The following RGS6 variants were observed in gnomAD, a reference collection of about 807,000 sequenced individuals.
RGS6 encodes regulator of G protein signaling 6.
In RGS6, 30 loss-of-function variants were observed where a neutral mutation model predicts 78.5. That is an observed-to-expected ratio of 0.38 (90% confidence interval 0.29 to 0.52). RGS6 has a LOEUF of 0.52. Among genes scored for constraint, RGS6 ranks in the 20% least tolerant of loss-of-function variants. RGS6 has a pLI of 0.85. For missense variants in RGS6, 495 were observed against 609.7 expected (o/e 0.81, Z 1.98); for synonymous variants, 206 against 206.0 (o/e 1.00, Z 0.00).
chr14:72,240,327 T>G (rs541623837), intron 2 of RGS6, among the ~76,000 whole-genome samples: 1 of 151,768 alleles, frequency 6.6e-6, no homozygotes, highest in Non-Finnish European at 1.5e-5. Flanking sequence ...TTAATCGGGG[T>G]GGGGGGGATT....
intron 3 of RGS6, among the ~76,000 whole-genome samples, chr14:72,437,784 A>C (rs934292452): frequency 1.3e-5 from 2 of 152,172 alleles, no homozygotes; most frequent in African/African-American, 4.8e-5. Context: ...CTTCCAGCAC[A>C]CTGGGATCTG....
At chr14:72,341,654 T>G (rs924482856) in intron 2 of RGS6, among the ~76,000 whole-genome samples, 4 of 152,192 alleles carry the variant, frequency 2.6e-5, no homozygotes, top group African/African-American at 9.6e-5. Context: ...GCTGGAAAGG[T>G]GGCAGATGCC....
intron 2 of RGS6, among the ~76,000 whole-genome samples, chr14:72,293,676 T>C (rs975659629): frequency 2.6e-5 from 4 of 152,200 alleles, no homozygotes; most frequent in African/African-American, 9.7e-5. Flanking sequence ...TCAGCTCCAA[T>C]AGTTGGTGCT....
chr14:72,145,657 A>G (rs1204922400), intron 2 of RGS6, among the ~76,000 whole-genome samples: 2 of 152,056 alleles, frequency 1.3e-5, no homozygotes, highest in Non-Finnish European at 2.9e-5. Context: ...TTTTTTGTGG[A>G]TTTTTAGTAG....
chr14:72,225,706 A>G (rs1257434960), intron 2 of RGS6, among the ~76,000 whole-genome samples: 1 of 152,224 alleles, frequency 6.6e-6, no homozygotes, highest in Admixed American at 6.5e-5. Flanking sequence ...CGTTAATAAT[A>G]TAGCATGTAT....
At chr14:72,278,023 C>T (rs1595183872) in intron 2 of RGS6, among the ~76,000 whole-genome samples, 2 of 152,120 alleles carry the variant, frequency 1.3e-5, no homozygotes, top group Non-Finnish European at 2.9e-5. Context: ...TTAGCCCAGT[C>T]CATGAAAGTA....
At chr14:71,949,222 C>T (rs556466110) in intron 1 of RGS6, among the ~76,000 whole-genome samples, 3 of 152,280 alleles carry the variant, frequency 2.0e-5, no homozygotes, top group Admixed American at 6.5e-5. Flanking sequence ...TGCATATGTT[C>T]AGCTTTATTC....
At chr14:71,926,866 TC>T in the RGS6 span, among the ~76,000 whole-genome samples, 1 of 152,216 alleles carries the variant, frequency 6.6e-6, no homozygotes, top group African/African-American at 2.4e-5. Flanking sequence ...CTATAAAGGA[TC>T]CTTCTTATTG....
At chr14:72,208,407 C>T (rs368345904) in intron 2 of RGS6, among the ~76,000 whole-genome samples, 1 of 152,186 alleles carries the variant, frequency 6.6e-6, no homozygotes, top group Non-Finnish European at 1.5e-5. Flanking sequence ...GTCGTTTGAG[C>T]CAAAATACTT....
At chr14:72,435,916 A>C (rs74368010) in intron 3 of RGS6, among the ~76,000 whole-genome samples, 4,174 of 152,292 alleles carry the variant, frequency 0.027, 134 homozygotes, top group African/African-American at 0.08. Context: ...GTAAGGTATC[A>C]TATTCACAGT....
At chr14:72,486,551 T>C (rs2096491410) in intron 12 of RGS6, among the ~76,000 whole-genome samples, 1 of 152,122 alleles carries the variant, frequency 6.6e-6, no homozygotes, top group African/African-American at 2.4e-5. Flanking sequence ...TCTGCTTCAC[T>C]CAGATTCCCA....
At chr14:72,047,397 C>T (rs577659926) in intron 2 of RGS6, among the ~76,000 whole-genome samples, 1 of 152,286 alleles carries the variant, frequency 6.6e-6, no homozygotes, top group East Asian at 1.9e-4. Flanking sequence ...GGTATTATCC[C>T]CCTTTTCCCG....
intron 3 of RGS6, among the ~76,000 whole-genome samples, chr14:72,402,790 G>GTTTTTTTTTTTTTTTTTTTTTTTTTTGT (rs1167831473): frequency 1.3e-5 from 1 of 75,800 alleles, no homozygotes; most frequent in African/African-American, 5.5e-5. Context: ...TGTTTTTTTG[G>GTTTTTTTTTTTTTTTTTTTTTTTTTTGT]TTTTTTTTTT....
intron 3 of RGS6, among the ~76,000 whole-genome samples, chr14:72,422,149 C>T (rs2094217771): frequency 6.6e-6 from 1 of 152,184 alleles, no homozygotes; most frequent in Non-Finnish European, 1.5e-5. Flanking sequence ...CTTGCACCTC[C>T]TTGCCTTCTG....
intron 3 of RGS6, among the ~76,000 whole-genome samples, chr14:72,429,039 A>G (rs1393277717): frequency 1.3e-5 from 2 of 152,128 alleles, no homozygotes; most frequent in Admixed American, 6.5e-5. Flanking sequence ...TGTCTCTACT[A>G]AAATACAAAA....
Position 72,104,069 on chromosome 14 carries a change from T to G in RGS6, c.84+139194T>G, listed in dbSNP as rs114397010. Reference sequence around the variant, plus strand: ...CAGGAGCTTATTGAACGTCCTTTAATCTTTTGTTTTGTTTTTAAAAATGAT... The same window carrying G: ...CAGGAGCTTATTGAACGTCCTTTAAGCTTTTGTTTTGTTTTTAAAAATGAT... On this transcript the variant is annotated intron_variant, in intron 2 of 17. Coordinates refer to ENST00000553525, the MANE Select transcript of RGS6 (RefSeq NM_001204424.2). Among the ~76,000 whole-genome samples, 1,138 of 152,300 alleles carry G rather than the reference T, an allele frequency of 7.5e-3. 11 individuals are homozygous for G. Among genetic ancestry groups the G allele is most frequent in the African/African-American group, 0.026 (1,086 of 41,580 alleles).
chr14:72,302,989 C>G (rs563986237), intron 2 of RGS6, among the ~76,000 whole-genome samples: 1 of 152,310 alleles, frequency 6.6e-6, no homozygotes, highest in Non-Finnish European at 1.5e-5. Flanking sequence ...GTAAGACATG[C>G]CTTTGCTCCT....
At chr14:72,311,381 C>G (rs1384651897) in intron 2 of RGS6, among the ~76,000 whole-genome samples, 1 of 151,958 alleles carries the variant, frequency 6.6e-6, no homozygotes, top group Non-Finnish European at 1.5e-5. Flanking sequence ...GAACTAAATG[C>G]TAATAAGATT....
chr14:72,433,590 A>G (rs2094760204), intron 3 of RGS6, among the ~76,000 whole-genome samples: 2 of 152,182 alleles, frequency 1.3e-5, no homozygotes, highest in Admixed American at 1.3e-4. Context: ...CGTAAGTAGG[A>G]TGTAGAGGAA....
Sources: gnomAD v4.1 joint callset for allele counts (sites outside exome capture counted in the v4.1 genomes callset) on GRCh38, gnomAD v4.1.1 for gene constraint, MANE v1.5 for transcripts, NCBI Gene and HGNC (gene_info 2026-07-23, HGNC 2026-07-21) for gene names.